The following SPON1 variants were observed in gnomAD, a reference collection of about 807,000 sequenced individuals.
SPON1 encodes the protein spondin-1.
Under a neutral mutation model 111.7 loss-of-function variants are expected in SPON1, and 52 were observed. That is an observed-to-expected ratio of 0.47 (90% CI 0.37 to 0.59). The LOEUF (loss-of-function observed/expected upper bound fraction) is 0.59, where lower values mean the gene tolerates loss of function less well. SPON1 is among the 20% of genes least tolerant of loss of function. SPON1 has a pLI of 0.00. For missense variants in SPON1, 957 were observed against 1,068.5 expected, an observed-to-expected ratio of 0.90 and a Z score of 1.46; for synonymous variants, 410 against 395.8, an observed-to-expected ratio of 1.04 and a Z score of -0.43.
At chr11:14,148,549 A>G (rs10741638) in intron 6 of SPON1, among the ~76,000 whole-genome samples, 59,735 of 152,032 alleles carry the variant, frequency 0.39, 11,999 homozygotes, top group East Asian at 0.55. Context: ...CTGAAAGCAC[A>G]TTGTGGGGTC....
At chr11:14,071,482 A>G (rs1327386055) in intron 3 of SPON1, among the ~76,000 whole-genome samples, 1 of 152,090 alleles carries the variant, frequency 6.6e-6, no homozygotes, top group Non-Finnish European at 1.5e-5. Flanking sequence ...TTCCAGAGTT[A>G]CAATGCCCTA....
chr11:14,172,706 A>C (rs1466972297), intron 6 of SPON1, among the ~76,000 whole-genome samples: 1 of 151,718 alleles, frequency 6.6e-6, no homozygotes, highest in East Asian at 1.9e-4. Context: ...AAAATCTCTC[A>C]GCATTTGCTT....
intron 2 of SPON1, among the ~76,000 whole-genome samples, chr11:14,024,017 A>AC (rs1848499449): frequency 1.3e-5 from 2 of 150,438 alleles, no homozygotes; most frequent in South Asian, 4.2e-4. Context: ...AAAAAAAAAA[A>AC]GACTGGAAGG....
At chr11:13,981,034 A>G (rs1308888976) in intron 1 of SPON1, among the ~76,000 whole-genome samples, 2 of 152,216 alleles carry the variant, frequency 1.3e-5, no homozygotes, top group Non-Finnish European at 2.9e-5. Flanking sequence ...ACTTTTATGC[A>G]GGCAGTAAAG....
chr11:14,249,713 T>C (rs782359495), intron 7 of SPON1, among the ~76,000 whole-genome samples: 8 of 152,196 alleles, frequency 5.3e-5, no homozygotes, highest in Admixed American at 2.6e-4. Context: ...TCTTACCTCT[T>C]TTCTTTTATG....
At chr11:14,097,168 C>T (rs1554923954) in intron 5 of SPON1, among the ~76,000 whole-genome samples, 2 of 152,162 alleles carry the variant, frequency 1.3e-5, no homozygotes, top group African/African-American at 4.8e-5. Flanking sequence ...TTTGCCAACA[C>T]TAGGCTGTCA....
chr11:14,013,236 T>G (rs1346626946), intron 2 of SPON1, among the ~76,000 whole-genome samples: 1 of 152,210 alleles, frequency 6.6e-6, no homozygotes, highest in African/African-American at 2.4e-5. Context: ...TAGATCGTCT[T>G]TCTGCTTTTT....
intron 2 of SPON1, among the ~76,000 whole-genome samples, chr11:13,984,588 A>G (rs1033351327): frequency 1.3e-5 from 2 of 152,230 alleles, no homozygotes; most frequent in African/African-American, 4.8e-5. Context: ...TCACAAAGGT[A>G]GAGCCATCAC....
At chr11:14,018,038 G>C (rs1336741301) in intron 2 of SPON1, among the ~76,000 whole-genome samples, 1 of 152,162 alleles carries the variant, frequency 6.6e-6, no homozygotes, top group African/African-American at 2.4e-5. Context: ...TTGGTTTTAA[G>C]AAGACTTTGC....
intron 2 of SPON1, among the ~76,000 whole-genome samples, chr11:14,026,600 A>C (rs781834735): frequency 5.3e-5 from 8 of 152,202 alleles, no homozygotes; most frequent in Non-Finnish European, 7.3e-5. Context: ...CGGGGTGCAC[A>C]AACAGTTTTG....
At chr11:14,057,352 A>C (rs915832156) in intron 3 of SPON1, among the ~76,000 whole-genome samples, 1 of 152,250 alleles carries the variant, frequency 6.6e-6, no homozygotes, top group East Asian at 1.9e-4. Flanking sequence ...AATAAATAAC[A>C]TGTAATCTTC....
rs1849126516 is a variant in SPON1, at chr11:14,099,381, C to T, written c.676+19360C>T. On this transcript the variant is annotated intron_variant, in intron 5 of 15. Coordinates refer to ENST00000576479, the MANE Select transcript of SPON1 (RefSeq NM_006108.4). ...TCCCTTCTATTTCTTTTGGGTTGTC[C>T]TTTTGTTCCTTTGGTGAATTTTTAT... Among the ~76,000 whole-genome samples, 2 of 152,058 alleles carry T rather than the reference C, an allele frequency of 1.3e-5. 1 individual carries two copies. Among genetic ancestry groups the T allele is most frequent in the Non-Finnish European group, 2.9e-5 (2 of 68,010 alleles).
intron 2 of SPON1, among the ~76,000 whole-genome samples, chr11:13,988,073 T>C (rs1848199384): frequency 1.3e-5 from 2 of 152,202 alleles, no homozygotes; most frequent in African/African-American, 4.8e-5. Flanking sequence ...AAAGTAGTTT[T>C]TTCCAATTCT....
In SPON1 at chr11:14,014,596, A is replaced by T. The variant is rs545538370; in HGVS notation, c.346-26925A>T. ...GGCAGTGGTGAACAACAATAAACTG[A>T]GTGGGGCGTCACTGTGCATGAGAGA... On this transcript the variant is annotated intron_variant, in intron 2 of 15. Transcript: ENST00000576479. Among the ~76,000 whole-genome samples, 11 of 152,272 alleles carry T rather than the reference A, an allele frequency of 7.2e-5. No individual in the cohort carries two copies. The South Asian group carries it at 2.3e-3, about 32-fold the overall frequency.
chr11:14,112,310 T>C (rs1450806549), intron 5 of SPON1, among the ~76,000 whole-genome samples: 1 of 152,160 alleles, frequency 6.6e-6, no homozygotes. Context: ...GTCTCCTTAT[T>C]TGGAAGAACT....
At chr11:13,964,555 G>T (rs1848001173) in intron 1 of SPON1, among the ~76,000 whole-genome samples, 1 of 152,202 alleles carries the variant, frequency 6.6e-6, no homozygotes, top group Admixed American at 6.5e-5. Flanking sequence ...CCCAAAGCCG[G>T]CTCCTTGGTG....
chr11:14,034,979 C>G (rs576202708), intron 2 of SPON1, among the ~76,000 whole-genome samples: 2 of 152,344 alleles, frequency 1.3e-5, no homozygotes, highest in African/African-American at 2.4e-5. Context: ...ACTCACTATT[C>G]TGCAAGTCCA....
intron 1 of SPON1, among the ~76,000 whole-genome samples, chr11:13,980,389 T>C (rs1848135197): frequency 2.0e-5 from 3 of 152,174 alleles, no homozygotes; most frequent in Non-Finnish European, 4.4e-5. Context: ...CAGTAGCTCC[T>C]TTACTTTTGT....
chr11:14,144,551 A>G (rs1384169295), intron 6 of SPON1, among the ~76,000 whole-genome samples: 1 of 151,622 alleles, frequency 6.6e-6, no homozygotes, highest in Non-Finnish European at 1.5e-5. Flanking sequence ...AATCACTTGA[A>G]CCTGGGAGGC....
Sources: allele counts gnomAD v4.1 joint callset (sites outside exome capture counted in the v4.1 genomes callset), GRCh38; gene constraint gnomAD v4.1.1; transcripts MANE v1.5; gene names NCBI Gene and HGNC (gene_info 2026-07-23, HGNC 2026-07-21).